Variants in KDM4C observed in about 807,000 individuals in gnomAD.
KDM4C encodes the protein lysine-specific demethylase 4C.
Under a neutral mutation model 129.3 loss-of-function variants are expected in KDM4C, and 81 were observed. The ratio of observed to expected loss-of-function variants is 0.63; its 90% CI spans 0.52 to 0.75. The LOEUF (loss-of-function observed/expected upper bound fraction) is 0.75, where lower values mean the gene tolerates loss of function less well. Among genes scored for constraint, KDM4C ranks in the 30% least tolerant of loss-of-function variants. The probability of loss-of-function intolerance (pLI) is 0.00; values close to 1 mark genes in which losing one functional copy is unlikely to be tolerated. For synonymous variants in KDM4C, 573 were observed against 456.1 expected (o/e 1.26, Z -3.26); for missense variants, 1,457 against 1,304.0 (o/e 1.12, Z -1.81).
At chr9:6,738,997 C>T (rs1239391100) in intron 1 of KDM4C, among the ~76,000 whole-genome samples, 1 of 152,088 alleles carries the variant, frequency 6.6e-6, no homozygotes, top group Non-Finnish European at 1.5e-5. Flanking sequence ...CCACCTGAGC[C>T]TCCCAAAGTG....
intron 8 of KDM4C, among the ~76,000 whole-genome samples, chr9:6,904,389 C>G (rs1817935870): frequency 6.7e-6 from 1 of 149,116 alleles, no homozygotes; most frequent in African/African-American, 2.5e-5. Context: ...AAGAATGTGA[C>G]AGGTGGTTTG....
At chr9:6,954,044 T>C (rs1828638046) in intron 8 of KDM4C, among the ~76,000 whole-genome samples, 1 of 152,212 alleles carries the variant, frequency 6.6e-6, no homozygotes, top group Non-Finnish European at 1.5e-5. Context: ...TTCTTTGCTT[T>C]CTCTTCCTTC....
intron 18 of KDM4C, among the ~76,000 whole-genome samples, chr9:7,110,211 A>G (rs1401917948): frequency 1.3e-5 from 2 of 152,244 alleles, no homozygotes; most frequent in African/African-American, 4.8e-5. Context: ...TCAGTGATTC[A>G]TCAAAGAGCC....
chr9:6,856,439 C>A (rs542965973), intron 5 of KDM4C, among the ~76,000 whole-genome samples: 1 of 151,870 alleles, frequency 6.6e-6, no homozygotes, highest in Non-Finnish European at 1.5e-5. Context: ...GAAATTTGCC[C>A]TTTACATAAG....
intron 8 of KDM4C, among the ~76,000 whole-genome samples, chr9:6,954,457 A>C (rs13440337): frequency 0.061 from 9,217 of 152,220 alleles, 788 homozygotes; most frequent in African/African-American, 0.19. Context: ...ATTGACAATG[A>C]ACTATTCTGG....
At chr9:7,027,593 T>C (rs1316257122) in intron 15 of KDM4C, among the ~76,000 whole-genome samples, 1 of 152,234 alleles carries the variant, frequency 6.6e-6, no homozygotes, top group Non-Finnish European at 1.5e-5. Context: ...ACTACTTGGC[T>C]ACCAGATACT....
At chr9:6,876,421 T>A (rs1318627687) in intron 5 of KDM4C, among the ~76,000 whole-genome samples, 1 of 152,188 alleles carries the variant, frequency 6.6e-6, no homozygotes, top group Admixed American at 6.5e-5. Context: ...TGAGGTAGAC[T>A]AGGTCTGACC....
In KDM4C at chr9:6,893,108, C is replaced by T; in HGVS notation, c.797C>T (p.Ala266Val). The change falls in exon 8 of 22, where the codon GCT (alanine) becomes GTT (valine). Residue 266 changes from alanine (A) to valine (V), a missense_variant. Coordinates refer to ENST00000381309, the MANE Select transcript of KDM4C (RefSeq NM_015061.6). ...GIPFDKITQE[A>V]GEFMITFPYG... ...CCTACCTTGCAGATAACCCAGGAGG[C>T]TGGAGAATTCATGATCACTTTCCCA... 6.3e-7 allele frequency: 1 copy of T among 1,585,418 alleles called. No homozygotes were observed. The highest frequency in any genetic ancestry group is 8.6e-7 in the Non-Finnish European group (1 of 1,165,354).
chr9:7,036,274 A>G (rs1827632123), intron 15 of KDM4C, among the ~76,000 whole-genome samples: 1 of 152,176 alleles, frequency 6.6e-6, no homozygotes, highest in African/African-American at 2.4e-5. Context: ...TCATGCTGGG[A>G]AGAAAGAATA....
intron 18 of KDM4C, among the ~76,000 whole-genome samples, chr9:7,124,569 G>A (rs1839840813): frequency 6.6e-6 from 1 of 152,150 alleles, no homozygotes; most frequent in South Asian, 2.1e-4. Context: ...ACTTTAAAAG[G>A]TTGGATATAT....
chr9:7,011,655 C>T (rs781762642), intron 12 of KDM4C, 43 bp from the exon 13 acceptor site: 14 of 1,556,874 alleles, frequency 9.0e-6, no homozygotes, highest in Non-Finnish European at 1.2e-5. Flanking sequence ...ATTGTTTTCC[C>T]TGGTTCCCAT....
chr9:7,088,254 G>A (rs1475892268), intron 17 of KDM4C, among the ~76,000 whole-genome samples: 1 of 152,178 alleles, frequency 6.6e-6, no homozygotes, highest in Non-Finnish European at 1.5e-5. Context: ...AGTACTCGTT[G>A]ATATGAACCC....
chr9:6,829,711 C>G (rs773251150), intron 4 of KDM4C, among the ~76,000 whole-genome samples: 101 of 152,282 alleles, frequency 6.6e-4, no homozygotes, highest in Middle Eastern at 6.8e-3. Flanking sequence ...TGGAGCTCTT[C>G]TTGTCTTGGA....
intron 19 of KDM4C, among the ~76,000 whole-genome samples, chr9:7,157,569 G>A (rs1316509558): frequency 6.6e-6 from 1 of 152,208 alleles, no homozygotes; most frequent in African/African-American, 2.4e-5. Context: ...ATGAAGTGCT[G>A]TTGAATTTTG....
chr9:7,072,732 T>C (rs968712512), intron 17 of KDM4C, among the ~76,000 whole-genome samples: 2 of 152,210 alleles, frequency 1.3e-5, no homozygotes, highest in African/African-American at 4.8e-5. Context: ...CTTACAGAAG[T>C]ATACACACTA....
At chr9:7,081,827 G>A (rs1834554525) in intron 17 of KDM4C, among the ~76,000 whole-genome samples, 1 of 152,148 alleles carries the variant, frequency 6.6e-6, no homozygotes. Flanking sequence ...GATAGACCAG[G>A]TGCTGGTACG....
intron 15 of KDM4C, among the ~76,000 whole-genome samples, chr9:7,032,805 T>C (rs1004867444): frequency 6.6e-6 from 1 of 152,220 alleles, no homozygotes; most frequent in Non-Finnish European, 1.5e-5. Context: ...ACAATGTATT[T>C]GACTAGTTTT....
intron 1 of KDM4C, among the ~76,000 whole-genome samples, chr9:6,764,006 G>A (rs545935674): frequency 4.7e-4 from 72 of 152,236 alleles, no homozygotes; most frequent in Middle Eastern, 6.8e-3. Flanking sequence ...TGATCCATCC[G>A]CCTCGGCCTC....
chr9:6,858,385 T>C (rs1170510215), intron 5 of KDM4C, among the ~76,000 whole-genome samples: 1 of 152,056 alleles, frequency 6.6e-6, no homozygotes, highest in Non-Finnish European at 1.5e-5. Flanking sequence ...AACATTGACA[T>C]CCCTTCAAAT....
Sources: gnomAD v4.1 joint callset for allele counts (sites outside exome capture counted in the v4.1 genomes callset) on GRCh38, gnomAD v4.1.1 for gene constraint, MANE v1.5 for transcripts, NCBI Gene and HGNC (gene_info 2026-07-23, HGNC 2026-07-21) for gene names.